The following ADAMTSL1 variants were observed in gnomAD, a reference collection of about 807,000 sequenced individuals.
ADAMTSL1 encodes ADAMTS-like protein 1.
Under a neutral mutation model 201.8 loss-of-function variants are expected in ADAMTSL1, and 126 were observed. That is an observed-to-expected ratio of 0.62 (90% confidence interval 0.54 to 0.72). The LOEUF is 0.72. Among genes scored for constraint, ADAMTSL1 ranks in the 30% least tolerant of loss-of-function variants. ADAMTSL1 has a pLI of 0.00. For synonymous variants in ADAMTSL1, 1,121 were observed against 903.4 expected (o/e 1.24, Z -4.32); for missense variants, 2,679 against 2,277.8 (o/e 1.18, Z -3.59).
chr9:18,057,393 G>GT (rs78336636), intron 1 of ADAMTSL1, among the ~76,000 whole-genome samples: 1 of 152,096 alleles, frequency 6.6e-6, no homozygotes, highest in East Asian at 1.9e-4. Flanking sequence ...AAATAAAAAA[G>GT]TTTTTAATGT....
At chr9:18,068,393 A>C (rs1192341998) in intron 1 of ADAMTSL1, among the ~76,000 whole-genome samples, 2 of 152,224 alleles carry the variant, frequency 1.3e-5, no homozygotes, top group Non-Finnish European at 2.9e-5. Flanking sequence ...TGAATTAGGT[A>C]TTATAAGTAA....
rs527511128 is a variant in ADAMTSL1, at chr9:18,160,900, C to A, written c.88-2962C>A. On this transcript the variant is annotated intron_variant, in intron 1 of 29. Coordinates refer to the ADAMTSL1 transcript ENST00000680146. ...GACAATGTCTCACTATTTGCCCAGG[C>A]TGGTCTGGAATTCCTAAGCTCAAGC... 5.8e-4 allele frequency among the ~76,000 whole-genome samples: 84 copies of A among 144,376 alleles called. No individual in the cohort carries two copies. In the Middle Eastern group the frequency reaches 0.011, roughly 19 times the overall value. 94.7% of individuals were successfully genotyped at this position (144,376 alleles called of 152,430 possible).
chr9:18,289,857 C>T (rs1326285619), intron 2 of ADAMTSL1, among the ~76,000 whole-genome samples: 3 of 152,106 alleles, frequency 2.0e-5, no homozygotes, highest in Non-Finnish European at 4.4e-5. Context: ...GCAAAGTTTC[C>T]AGTTTATAAT....
chr9:17,983,342 T>C (rs1047337852), intron 1 of ADAMTSL1, among the ~76,000 whole-genome samples: 1 of 152,162 alleles, frequency 6.6e-6, no homozygotes, highest in Non-Finnish European at 1.5e-5. Flanking sequence ...GTGCTGGGAT[T>C]ACAGGCGTGA....
intron 1 of ADAMTSL1, among the ~76,000 whole-genome samples, chr9:18,145,634 A>G (rs1826607233): frequency 6.6e-6 from 1 of 152,170 alleles, no homozygotes. Flanking sequence ...CTAAGTGTAA[A>G]ATGCAAACCT....
chr9:18,670,538 C>T (rs368496866), intron 9 of ADAMTSL1, among the ~76,000 whole-genome samples: 8 of 152,190 alleles, frequency 5.3e-5, no homozygotes, highest in Non-Finnish European at 8.8e-5. Context: ...AAAGGCAAGA[C>T]GTGGGACTGA....
At chr9:18,071,678 G>T (rs539437810) in intron 1 of ADAMTSL1, among the ~76,000 whole-genome samples, 1 of 152,214 alleles carries the variant, frequency 6.6e-6, no homozygotes, top group Non-Finnish European at 1.5e-5. Context: ...CAGGAAGGGA[G>T]TGTGTCCTCT....
At chr9:18,223,691 T>A (rs995763764) in intron 2 of ADAMTSL1, among the ~76,000 whole-genome samples, 22 of 152,140 alleles carry the variant, frequency 1.4e-4, no homozygotes, top group African/African-American at 5.3e-4. Flanking sequence ...ATTAAATATA[T>A]CTGTTTTATG....
intron 2 of ADAMTSL1, among the ~76,000 whole-genome samples, chr9:18,414,541 AG>A (rs1818590326): frequency 6.6e-6 from 1 of 152,226 alleles, no homozygotes; most frequent in Non-Finnish European, 1.5e-5. Flanking sequence ...ACCGGATGTC[AG>A]GCAGTGATCT....
At chr9:18,395,633 C>T (rs1817724699) in intron 2 of ADAMTSL1, among the ~76,000 whole-genome samples, 1 of 152,144 alleles carries the variant, frequency 6.6e-6, no homozygotes, top group Non-Finnish European at 1.5e-5. Context: ...TGAAGCATCC[C>T]TAGACCAAAT....
At chr9:18,123,054 T>C (rs1825572450) in intron 1 of ADAMTSL1, among the ~76,000 whole-genome samples, 1 of 152,198 alleles carries the variant, frequency 6.6e-6, no homozygotes, top group Non-Finnish European at 1.5e-5. Context: ...TTTAAAGATA[T>C]ATTTTACCAT....
chr9:18,234,781 C>A (rs556765014), intron 2 of ADAMTSL1, among the ~76,000 whole-genome samples: 4 of 152,268 alleles, frequency 2.6e-5, no homozygotes, highest in South Asian at 2.1e-4. Flanking sequence ...GTTTCAGAAC[C>A]AGATTTGTCC....
intron 1 of ADAMTSL1, among the ~76,000 whole-genome samples, chr9:18,157,596 C>T (rs1170928976): frequency 6.6e-6 from 1 of 152,020 alleles, no homozygotes; most frequent in Non-Finnish European, 1.5e-5. Context: ...GCTGAACATT[C>T]TGGACCAGCA....
intron 14 of ADAMTSL1, among the ~76,000 whole-genome samples, chr9:18,715,691 C>T (rs1832883019): frequency 6.6e-6 from 1 of 151,974 alleles, no homozygotes; most frequent in Non-Finnish European, 1.5e-5. Flanking sequence ...AATGCCATCC[C>T]CATCAAGCTA....
At chr9:18,065,857 T>C (rs1461398631) in intron 1 of ADAMTSL1, among the ~76,000 whole-genome samples, 1 of 151,938 alleles carries the variant, frequency 6.6e-6, no homozygotes, top group Non-Finnish European at 1.5e-5. Flanking sequence ...GGCAAGTGCC[T>C]GTAATCCCAG....
At chr9:18,579,037 G>A (rs1822918102) in intron 4 of ADAMTSL1, among the ~76,000 whole-genome samples, 1 of 151,976 alleles carries the variant, frequency 6.6e-6, no homozygotes, top group Non-Finnish European at 1.5e-5. Flanking sequence ...CTTTTGAGAA[G>A]TGTCTGTTCA....
At chr9:18,482,549 T>A (rs1446297224) in intron 1 of ADAMTSL1, among the ~76,000 whole-genome samples, 9 of 152,144 alleles carry the variant, frequency 5.9e-5, no homozygotes, top group Non-Finnish European at 1.2e-4. Context: ...ACCTAAGACA[T>A]CCTGACATAA....
At chr9:17,930,646 C>T (rs992902067) in intron 1 of ADAMTSL1, among the ~76,000 whole-genome samples, 1 of 151,968 alleles carries the variant, frequency 6.6e-6, no homozygotes, top group East Asian at 1.9e-4. Flanking sequence ...ATATAGAAAC[C>T]CTAAAGAATT....
chr9:18,816,690 G>T (rs1410190512), intron 20 of ADAMTSL1, among the ~76,000 whole-genome samples: 1 of 127,266 alleles, frequency 7.9e-6, no homozygotes, highest in African/African-American at 3.0e-5. Flanking sequence ...TGTATAACAT[G>T]CTCTGTCTTC....
Sources: gnomAD v4.1 joint callset for allele counts (sites outside exome capture counted in the v4.1 genomes callset) on GRCh38, gnomAD v4.1.1 for gene constraint, MANE v1.5 for transcripts, NCBI Gene and HGNC (gene_info 2026-07-23, HGNC 2026-07-21) for gene names.